The following RAB3C variants were observed in gnomAD, a reference collection of about 807,000 sequenced individuals.
The protein encoded by RAB3C is ras-related protein Rab-3C.
RAB3C carries 17 observed loss-of-function variants against 26.4 expected under a neutral mutation model. That is an observed-to-expected ratio of 0.64 (90% CI 0.44 to 0.97). The LOEUF (loss-of-function observed/expected upper bound fraction) is 0.97, where lower values mean the gene tolerates loss of function less well. Among genes scored for constraint, RAB3C ranks in the 50% least tolerant of loss-of-function variants. The pLI is 0.00. For missense variants in RAB3C, 242 were observed against 281.9 expected (o/e 0.86, Z 1.01); for synonymous variants, 91 against 95.9 (o/e 0.95, Z 0.30).
chr5:58,730,239 A>G (rs1177257959), intron 3 of RAB3C, among the ~76,000 whole-genome samples: 1 of 151,766 alleles, frequency 6.6e-6, no homozygotes, highest in Non-Finnish European at 1.5e-5. Flanking sequence ...CATAATAACT[A>G]GCACAAAATG....
At chr5:58,849,936 C>T (rs1334900124) in intron 4 of RAB3C, among the ~76,000 whole-genome samples, 3 of 152,210 alleles carry the variant, frequency 2.0e-5, no homozygotes, top group Non-Finnish European at 4.4e-5. Context: ...ATGATTTCAT[C>T]ATTTTGAATC....
Position 58,583,147 on chromosome 5 carries a change from A to G in RAB3C, c.-62A>G. The G allele has an allele frequency of 6.2e-7, 1 of 1,613,166 alleles. No homozygotes were observed. The highest frequency in any genetic ancestry group is 8.5e-7 in the Non-Finnish European group (1 of 1,179,790). Reference sequence around the variant, plus strand: ...GGAGCGTGGAGCGCCGGGACTGTGCACGCTTGACCGGAAGCCCAGACCAGT... The same window carrying G: ...GGAGCGTGGAGCGCCGGGACTGTGCGCGCTTGACCGGAAGCCCAGACCAGT... On this transcript the variant is annotated 5_prime_UTR_variant, in exon 1 of 5. Coordinates refer to ENST00000282878, the MANE Select transcript of RAB3C (RefSeq NM_138453.4).
At chr5:58,712,627 C>T (rs575995638) in intron 2 of RAB3C, among the ~76,000 whole-genome samples, 7 of 152,200 alleles carry the variant, frequency 4.6e-5, no homozygotes, top group African/African-American at 1.4e-4. Flanking sequence ...CGGGTTCAAG[C>T]GATTCTCCTA....
chr5:58,814,445 G>A (rs1305595999), intron 3 of RAB3C, among the ~76,000 whole-genome samples: 3 of 152,200 alleles, frequency 2.0e-5, no homozygotes, highest in African/African-American at 7.2e-5. Context: ...GGGCAAGTAA[G>A]TACTGGGTTC....
In RAB3C at chr5:58,691,465, T is replaced by C. The variant is rs2111859244; in HGVS notation, c.253-34537T>C. 2.0e-5 allele frequency among the ~76,000 whole-genome samples: 3 copies of C among 151,626 alleles called. 1 individual carries two copies. In the Admixed American group the frequency reaches 2.0e-4, roughly 10 times the overall value. The stretch of plus-strand genomic sequence containing the variant: ...AGAAGAGATGTTTCTTTCTTAGCAT[T>C]GACACAGACGTAAGGAGAAACCAGC... On this transcript the variant is annotated intron_variant, in intron 2 of 4. Coordinates refer to ENST00000282878, the MANE Select transcript of RAB3C (RefSeq NM_138453.4).
chr5:58,821,066 T>A (rs1205360225), intron 3 of RAB3C, among the ~76,000 whole-genome samples: 1 of 152,150 alleles, frequency 6.6e-6, no homozygotes, highest in Non-Finnish European at 1.5e-5. Flanking sequence ...CAGTCAGGGG[T>A]GCAGTAGGAT....
At chr5:58,731,136 A>G (rs918317446) in intron 3 of RAB3C, among the ~76,000 whole-genome samples, 1 of 152,124 alleles carries the variant, frequency 6.6e-6, no homozygotes, top group African/African-American at 2.4e-5. Flanking sequence ...AGACACAGCC[A>G]AACCATATCA....
intron 3 of RAB3C, among the ~76,000 whole-genome samples, chr5:58,734,444 ACT>A (rs1561304147): frequency 6.6e-6 from 1 of 151,660 alleles, no homozygotes; most frequent in African/African-American, 2.4e-5. Flanking sequence ...CTGCCCCCAG[ACT>A]CTCACCACCA....
At chr5:58,830,176 A>G (rs1743581587) in intron 4 of RAB3C, among the ~76,000 whole-genome samples, 2 of 152,224 alleles carry the variant, frequency 1.3e-5, no homozygotes, top group Admixed American at 6.5e-5. Context: ...GGCTTAATTA[A>G]ACAATTTCTT....
intron 1 of RAB3C, among the ~76,000 whole-genome samples, chr5:58,601,688 A>G (rs766998399): frequency 6.6e-6 from 1 of 152,014 alleles, no homozygotes; most frequent in Non-Finnish European, 1.5e-5. Flanking sequence ...GTCAGCTGTA[A>G]TATCACCTGT....
intron 2 of RAB3C, among the ~76,000 whole-genome samples, chr5:58,672,360 T>C (rs1478313044): frequency 6.6e-6 from 1 of 152,206 alleles, no homozygotes; most frequent in Non-Finnish European, 1.5e-5. Flanking sequence ...GTCATGGACC[T>C]CTAATGCAGT....
intron 3 of RAB3C, among the ~76,000 whole-genome samples, chr5:58,815,274 A>G (rs1009902480): frequency 6.6e-6 from 1 of 152,168 alleles, no homozygotes; most frequent in African/African-American, 2.4e-5. Flanking sequence ...CACACTGGCC[A>G]CAAAGTAGTT....
At chr5:58,690,157 G>A (rs1425759398) in intron 2 of RAB3C, among the ~76,000 whole-genome samples, 1 of 152,058 alleles carries the variant, frequency 6.6e-6, no homozygotes, top group African/African-American at 2.4e-5. Context: ...GAATGACCCA[G>A]TTCTTGGCAT....
In RAB3C at chr5:58,693,267, AATT is replaced by A. The variant is rs1347534706; in HGVS notation, c.253-32733_253-32731del. ...TATATAAATTTAATTATATAAATAT[AATT>A]AAGATAAAGTTATAATTATATAAAT... On this transcript the variant is annotated intron_variant, in intron 2 of 4. Coordinates refer to ENST00000282878, the MANE Select transcript of RAB3C (RefSeq NM_138453.4). 5.0e-3 allele frequency among the ~76,000 whole-genome samples: 726 copies of A among 144,840 alleles called. 2 individuals carry two copies. Among genetic ancestry groups the A allele is most frequent in the African/African-American group, 0.016 (615 of 39,654 alleles).
At chr5:58,789,941 A>T (rs974909129) in intron 3 of RAB3C, among the ~76,000 whole-genome samples, 4 of 152,190 alleles carry the variant, frequency 2.6e-5, no homozygotes, top group Non-Finnish European at 5.9e-5. Flanking sequence ...GTTACGTCTA[A>T]TCTCCACTCC....
At chr5:58,610,194 C>G (rs374136319) in intron 1 of RAB3C, among the ~76,000 whole-genome samples, 2 of 143,486 alleles carry the variant, frequency 1.4e-5, no homozygotes, top group South Asian at 4.5e-4. Context: ...TTTTGTTTTT[C>G]TGTGTGTGTG....
intron 1 of RAB3C, among the ~76,000 whole-genome samples, chr5:58,613,051 A>G (rs1031775151): frequency 1.8e-4 from 27 of 152,246 alleles, no homozygotes; most frequent in African/African-American, 6.5e-4. Flanking sequence ...TCCTGTAAGT[A>G]ATTTCTTTTT....
At chr5:58,673,445 T>TACAC (rs1491280362) in intron 2 of RAB3C, among the ~76,000 whole-genome samples, 1 of 118,062 alleles carries the variant, frequency 8.5e-6, no homozygotes, top group Non-Finnish European at 1.8e-5. Flanking sequence ...ACGAACTAGT[T>TACAC]ATACACACAC....
chr5:58,661,524 G>T (rs1265269159), intron 2 of RAB3C, among the ~76,000 whole-genome samples: 2 of 149,028 alleles, frequency 1.3e-5, no homozygotes, highest in Admixed American at 1.3e-4. Context: ...AAGGGTTAAA[G>T]ACCCATTGGA....
Sources: gnomAD v4.1 joint callset for allele counts (sites outside exome capture counted in the v4.1 genomes callset) on GRCh38, gnomAD v4.1.1 for gene constraint, MANE v1.5 for transcripts, NCBI Gene and HGNC (gene_info 2026-07-23, HGNC 2026-07-21) for gene names.